Variants in MUC5AC observed in about 807,000 individuals in gnomAD.
MUC5AC encodes mucin 5AC, oligomeric mucus/gel-forming.
Under a neutral mutation model 169.7 loss-of-function variants are expected in MUC5AC, and 158 were observed. The observed-to-expected ratio is 0.93, with a 90% CI of 0.82 to 1.06. MUC5AC has a LOEUF of 1.06. Ranked by LOEUF, MUC5AC falls within the 50% of genes least tolerant of loss-of-function variation. The pLI is 0.00. For synonymous variants in MUC5AC, 1,975 were observed against 1,237.0 expected (o/e 1.60, Z -12.52); for missense variants, 4,359 against 3,089.9 (o/e 1.41, Z -9.74).
At chr11:1,198,108 G>T (rs1281741270) in intron 42 of MUC5AC, 104 bp downstream of exon 42, 4 of 652,274 alleles carry the variant, frequency 6.1e-6, no homozygotes, top group Non-Finnish European at 1.1e-5. Flanking sequence ...TCCACTGCGG[G>T]TCTGTGGCTC....
rs1325126946 is a variant in MUC5AC, at chr11:1,198,281, C to T, written c.16149C>T (p.Cys5383=). Residue 5383 remains cysteine, a synonymous_variant, in exon 43 of 49, where the codon TGC becomes TGT. Coordinates refer to ENST00000621226, the MANE Select transcript of MUC5AC (RefSeq NM_001304359.2). ...CPVQNCSWTV[C]SINGTLYQPG... is the part of the protein sequence containing the mutation. ...TCTCGTGGGCAGGCTGGACAGTGTG[C>T]AGCATCAACGGGACCCTGTACCAGG... 2 of 754,918 alleles carry T rather than the reference C, an allele frequency of 2.6e-6. No individual in the cohort carries two copies. The highest frequency in any genetic ancestry group is 4.8e-6 in the Non-Finnish European group (2 of 413,542). 46.8% of individuals were successfully genotyped at this position (754,918 alleles called of 1,614,324 possible).
rs1416078365 is a variant in MUC5AC, at chr11:1,182,272, C to G, written c.4127C>G (p.Ser1376Cys). ...TSPRTRLPTASASLPPVCGEK... is the reference protein window; with the variant it reads ...TSPRTRLPTACASLPPVCGEK... ...CCCAGGACGAGGCTGCCCACAGCCT[C>G]TGCCTCACTGCCGCCGGTCTGTGGG... Residue 1376 changes from serine (S) to cysteine (C), a missense_variant, in exon 31 of 49, where the codon TCT becomes TGT. Physicochemically the swap from Ser to Cys is moderately radical, Grantham distance 112. Transcript: ENST00000621226. 7.5e-6 allele frequency: 3 copies of G among 398,482 alleles called. No individual in the cohort carries two copies. Among genetic ancestry groups the G allele is most frequent in the Non-Finnish European group, 1.3e-5 (3 of 226,030 alleles). The allele number at this position is 398,482 out of a possible 1,614,324, so 24.7% of individuals were successfully genotyped here.
Position 1,160,610 on chromosome 11 carries a change from A to G in MUC5AC, c.74-2A>G. The G allele has an allele frequency of 6.2e-7, 1 of 1,606,822 alleles. No homozygotes were observed. Among genetic ancestry groups the G allele is most frequent in the Non-Finnish European group, 8.5e-7 (1 of 1,178,908 alleles). On this transcript the variant is annotated splice_acceptor_variant, in intron 1 of 48. Coordinates refer to ENST00000621226, the MANE Select transcript of MUC5AC (RefSeq NM_001304359.2). LOFTEE classifies it high-confidence loss of function. The stretch of plus-strand genomic sequence containing the variant: ...GGCTCAGCCCCCCTCCTCTTTCTGC[A>G]GGCCATGCCCAGGATGGCTCCTCCG...
chr11:1,192,209 C>T lies in MUC5AC; in HGVS notation c.14064C>T (p.His4688=), dbSNP rs199982351. The T allele has an allele frequency of 1.3e-6, 1 of 765,016 alleles. No individual in the cohort carries two copies. The highest frequency in any genetic ancestry group is 2.4e-6 in the Non-Finnish European group (1 of 417,916). 47.4% of individuals were successfully genotyped at this position (765,016 alleles called of 1,614,324 possible). A position where few individuals can be genotyped will look rare whatever the true frequency, so the allele number is the denominator to read the frequency against. Residue 4688 remains histidine, a synonymous_variant, in exon 31 of 49, where the codon CAC becomes CAT. Transcript: ENST00000621226. ...GCCACCCGGAGGTGAACATTGAACA[C>T]CTGGGTCAGGTGGTGCAGTGCAGCC... The part of the protein sequence containing the change: ...AESHPEVNIE[H]LGQVVQCSRE...
intron 1 of MUC5AC, among the ~76,000 whole-genome samples, chr11:1,158,848 T>C (rs1590130609): frequency 6.6e-6 from 1 of 152,100 alleles, no homozygotes; most frequent in Non-Finnish European, 1.5e-5. Flanking sequence ...CCCAGCCCTG[T>C]CCCCAGCCTC....
intron 32 of MUC5AC, among the ~76,000 whole-genome samples, 161 bp downstream of exon 32, chr11:1,193,143 C>G (rs2133770978): frequency 6.6e-6 from 1 of 152,370 alleles, no homozygotes; most frequent in Middle Eastern, 3.4e-3. Context: ...CCCGGCGTCT[C>G]TGATCACCCT....
intron 28 of MUC5AC, among the ~76,000 whole-genome samples, 178 bp from the exon 29 acceptor site, chr11:1,180,961 A>C (rs1860803909): frequency 6.6e-6 from 1 of 152,100 alleles, no homozygotes; most frequent in Non-Finnish European, 1.5e-5. Flanking sequence ...TGGAGAGACA[A>C]CTGCTGGGAC....
At chr11:1,181,775 A>C (rs1454131024) in intron 30 of MUC5AC, among the ~76,000 whole-genome samples, 11 of 152,182 alleles carry the variant, frequency 7.2e-5, no homozygotes, top group Admixed American at 7.2e-4. Context: ...CCGGGGATGC[A>C]TGGCTATCAC....
At chr11:1,161,406 T>C in intron 2 of MUC5AC, 121 bp from the exon 3 acceptor site, 1 of 707,910 alleles carries the variant, frequency 1.4e-6, no homozygotes, top group Non-Finnish European at 2.2e-6. Flanking sequence ...CGCAGCAGAA[T>C]CCGGAGTTGG....
In MUC5AC at chr11:1,186,887, C is replaced by T; in HGVS notation, c.8742C>T (p.Thr2914=). The T allele has an allele frequency of 1.4e-6, 1 of 727,316 alleles. No homozygotes were observed. The highest frequency in any genetic ancestry group is 1.4e-5 in the South Asian group (1 of 70,056). 45.1% of individuals were successfully genotyped at this position (727,316 alleles called of 1,614,324 possible). A position where few individuals can be genotyped will look rare whatever the true frequency, so the allele number is the denominator to read the frequency against. Residue 2914 remains threonine (T), a synonymous_variant, in exon 31 of 49, where the codon ACC becomes ACT. Coordinates refer to ENST00000621226, the MANE Select transcript of MUC5AC (RefSeq NM_001304359.2). The part of the protein sequence containing the change: ...PTTSTTSAPT[T]STTSAPTSST... ...CCAGCACAACCTCTGCCCCTACAAC[C>T]AGCACAACCTCTGCCCCTACAAGCA...
rs182671541 is a variant in MUC5AC, at chr11:1,163,269, C to T, written c.679+224C>T. Among the ~76,000 whole-genome samples the T allele has an allele frequency of 2.4e-3, 363 of 152,372 alleles. 2 individuals are homozygous for T. The highest frequency in any genetic ancestry group is 8.6e-3 in the African/African-American group (356 of 41,586). ...CAAATCGCCCATTGGGCCCCTTGCT[C>T]TGTGTGGCTGCTCTGGGTGGCGACC... On this transcript the variant is annotated intron_variant, in intron 6 of 48. Coordinates refer to ENST00000621226, the MANE Select transcript of MUC5AC (RefSeq NM_001304359.2).
Position 1,184,801 on chromosome 11 carries a change from G to T in MUC5AC, c.6656G>T (p.Gly2219Val), listed in dbSNP as rs1309973593. ...GTGCTCTGCTGCGAGACCCCCAAAG[G>T]CTGCCCCGTGACCTCCACACCTGTG... ...VRVLCCETPK[G>V]CPVTSTPVTA... Residue 2219 changes from glycine to valine, a missense_variant, in exon 31 of 49, where the codon GGC (glycine) becomes GTC (valine). Transcript: ENST00000621226. The T allele has an allele frequency of 2.5e-5, 16 of 652,474 alleles. No homozygotes were observed. The East Asian group carries it at 4.0e-4, about 17-fold the overall frequency. 40.4% of individuals were successfully genotyped at this position (652,474 alleles called of 1,614,324 possible). A position where few individuals can be genotyped will look rare whatever the true frequency, so the allele number is the denominator to read the frequency against.
Position 1,200,721 on chromosome 11 carries a change from T to C in MUC5AC, c.*19T>C. 2 of 709,844 alleles carry C rather than the reference T, an allele frequency of 2.8e-6. No individual in the cohort carries two copies. Among genetic ancestry groups the C allele is most frequent in the Non-Finnish European group, 5.2e-6 (2 of 385,426 alleles). 44.0% of individuals were successfully genotyped at this position (709,844 alleles called of 1,614,324 possible). On this transcript the variant is annotated 3_prime_UTR_variant, in exon 49 of 49. Transcript: ENST00000621226. The stretch of plus-strand genomic sequence containing the variant: ...GCACTGACCAGCACTGCCGCCCTCC[T>C]GACCTCCAAGGAGAACCTCCCATAT...
rs200793578 is a variant in MUC5AC, at chr11:1,193,446, G to A, written c.14581-39G>A. 5.4e-5 allele frequency: 37 copies of A among 685,422 alleles called. No individual in the cohort carries two copies. The East Asian group carries it at 6.5e-4, about 12-fold the overall frequency. The allele number at this position is 685,422 out of a possible 1,614,324, so 42.5% of individuals were successfully genotyped here. ...AGAACCAAGGGGTGCCCCGGAGATC[G>A]GGAGAGGCCGGACCCTGCAGGTCTC... On this transcript the variant is annotated intron_variant, in intron 32 of 48. Coordinates refer to ENST00000621226, the MANE Select transcript of MUC5AC (RefSeq NM_001304359.2).
chr11:1,180,781 G>A (rs1279840563), intron 28 of MUC5AC, among the ~76,000 whole-genome samples: 1 of 152,174 alleles, frequency 6.6e-6, no homozygotes, highest in Non-Finnish European at 1.5e-5. Context: ...GCAGGCTCGA[G>A]GGGCTCAGGG....
chr11:1,177,333 A>C lies in MUC5AC; in HGVS notation c.2896A>C (p.Ile966Leu), dbSNP rs1451143925. ...TGTTCSKAIK[I>L]FLGGFELKLS... Reference sequence around the variant, plus strand: ...GACCACCTGCTCCAAGGCCATCAAGATTTTCCTGGGGGTGAGCGAGGCTGG... The same window carrying C: ...GACCACCTGCTCCAAGGCCATCAAGCTTTTCCTGGGGGTGAGCGAGGCTGG... The change falls in exon 23 of 49, where the codon ATT becomes CTT. Residue 966 changes from isoleucine to leucine, a missense_variant. Ile to Leu is a conservative substitution (Grantham distance 5, BLOSUM62 2). Coordinates refer to ENST00000621226, the MANE Select transcript of MUC5AC (RefSeq NM_001304359.2). The C allele has an allele frequency of 3.1e-5, 14 of 454,520 alleles. No individual in the cohort carries two copies. The East Asian group carries it at 3.8e-4, about 12-fold the overall frequency. The allele number at this position is 454,520 out of a possible 1,614,324, so 28.2% of individuals were successfully genotyped here. A position where few individuals can be genotyped will look rare whatever the true frequency, so the allele number is the denominator to read the frequency against.
At position 1,180,478 on chromosome 11, in the gene MUC5AC, A is replaced by C; in HGVS notation, c.3738A>C (p.Pro1246=). ...RCHVHGKSYR[P]GAVVPSDKNC... ...ACGTCCATGGGAAGTCCTACCGGCCAGGTGCAGTGGTGCCCTCGGACAAGA... is the reference window on the plus strand; with the variant it reads ...ACGTCCATGGGAAGTCCTACCGGCCCGGTGCAGTGGTGCCCTCGGACAAGA... The change falls in exon 28 of 49, where the codon CCA becomes CCC. Residue 1246 remains proline, a synonymous_variant. Transcript: ENST00000621226. 2.5e-6 allele frequency: 1 copy of C among 398,948 alleles called. No homozygotes were observed. The highest frequency in any genetic ancestry group is 4.4e-5 in the Admixed American group (1 of 22,750). 24.7% of individuals were successfully genotyped at this position (398,948 alleles called of 1,614,324 possible).
In MUC5AC at chr11:1,168,907, C is replaced by A; in HGVS notation, c.1751C>A (p.Thr584Asn). The change falls in exon 15 of 49, where the codon ACC becomes AAC. Residue 584 changes from threonine to asparagine, a missense_variant. Thr to Asn is a moderately conservative substitution (Grantham distance 65, BLOSUM62 0). Coordinates refer to ENST00000621226, the MANE Select transcript of MUC5AC (RefSeq NM_001304359.2). ...FNSIQADDFR[T>N]LSGVVEATAA... Reference sequence around the variant, plus strand: ...AGCATCCAGGCCGATGACTTCCGGACCCTCAGTGGGGTGGTGGAGGCCACC... The same window carrying A: ...AGCATCCAGGCCGATGACTTCCGGAACCTCAGTGGGGTGGTGGAGGCCACC... 6.2e-7 allele frequency: 1 copy of A among 1,610,460 alleles called. No individual in the cohort carries two copies. The highest frequency in any genetic ancestry group is 8.5e-7 in the Non-Finnish European group (1 of 1,178,644).
At chr11:1,175,421 T>C (rs1860645426) in intron 19 of MUC5AC, among the ~76,000 whole-genome samples, 151 bp downstream of exon 19, 1 of 131,114 alleles carries the variant, frequency 7.6e-6, no homozygotes, top group Non-Finnish European at 1.6e-5. Flanking sequence ...TTGTGCCCTC[T>C]AGGCAGCAAG....
Sources: gnomAD v4.1 joint callset for allele counts (sites outside exome capture counted in the v4.1 genomes callset) on GRCh38, gnomAD v4.1.1 for gene constraint, MANE v1.5 for transcripts, NCBI Gene and HGNC (gene_info 2026-07-23, HGNC 2026-07-21) for gene names.